Variants in JAM3 observed in about 807,000 individuals in gnomAD.
The protein encoded by JAM3 is junctional adhesion molecule C.
In JAM3, 31 loss-of-function variants were observed where a neutral mutation model predicts 39.4. The ratio of observed to expected loss-of-function variants is 0.79; its 90% CI spans 0.59 to 1.06. The LOEUF is 1.06. Among genes scored for constraint, JAM3 ranks in the 50% least tolerant of loss-of-function variants. The probability of loss-of-function intolerance (pLI) is 0.00; values close to 1 mark genes in which losing one functional copy is unlikely to be tolerated. For synonymous variants in JAM3, 182 were observed against 148.7 expected (o/e 1.22, Z -1.63); for missense variants, 455 against 391.4 (o/e 1.16, Z -1.37).
At chr11:134,095,351 G>A (rs1242710405) in intron 1 of JAM3, among the ~76,000 whole-genome samples, 1 of 151,928 alleles carries the variant, frequency 6.6e-6, no homozygotes, top group African/African-American at 2.4e-5. Flanking sequence ...GTTCTAATAG[G>A]CCCAGCGCAG....
At chr11:134,131,812 T>G (rs2120820636) in intron 1 of JAM3, among the ~76,000 whole-genome samples, 1 of 152,250 alleles carries the variant, frequency 6.6e-6, no homozygotes, top group Middle Eastern at 3.4e-3. Flanking sequence ...AAAAATTTAC[T>G]AGAGGGTTTC....
At chr11:134,122,575 T>C (rs1942556408) in intron 1 of JAM3, among the ~76,000 whole-genome samples, 2 of 152,194 alleles carry the variant, frequency 1.3e-5, no homozygotes, top group Admixed American at 1.3e-4. Flanking sequence ...TTTTCTACCC[T>C]GTTATGGCCT....
At chr11:134,092,491 C>T (rs2120644108) in intron 1 of JAM3, among the ~76,000 whole-genome samples, 1 of 141,006 alleles carries the variant, frequency 7.1e-6, no homozygotes, top group South Asian at 2.4e-4. Context: ...TTAAACGTCA[C>T]TTCCTGAGGG....
In JAM3 at chr11:134,148,659, T is replaced by C. The variant is rs143992931; in HGVS notation, c.825T>C (p.Asn275=). The change falls in exon 7 of 9, where the codon AAT becomes AAC. Residue 275 remains asparagine (N), a synonymous_variant. Coordinates refer to ENST00000299106, the MANE Select transcript of JAM3 (RefSeq NM_032801.5). The part of the protein sequence containing the change: ...CAYRRGYFIN[N]KQDGESYKNP... ...ACAGACGTGGCTACTTCATCAACAA[T>C]AAACAGGATGGAGAAAGGTGAGCCT... The C allele has an allele frequency of 1.6e-5, 26 of 1,613,942 alleles. No individual in the cohort carries two copies. In the African/African-American group the frequency reaches 3.5e-4, roughly 22 times the overall value.
At chr11:134,095,384 C>T (rs981449543) in intron 1 of JAM3, among the ~76,000 whole-genome samples, 1 of 152,096 alleles carries the variant, frequency 6.6e-6, no homozygotes, top group Admixed American at 6.5e-5. Context: ...ATAATCCCAG[C>T]ACTTTGGGAG....
At chr11:134,140,523 T>A in intron 2 of JAM3, 134 bp from the exon 3 acceptor site, 1 of 747,966 alleles carries the variant, frequency 1.3e-6, no homozygotes, top group Non-Finnish European at 2.4e-6. Context: ...TCAAAGTCTC[T>A]TGGAGTGTGG....
At position 134,141,643 on chromosome 11, in the gene JAM3, G is replaced by T. The variant is rs184637977; in HGVS notation, c.256+873G>T. 3.8e-3 allele frequency among the ~76,000 whole-genome samples: 583 copies of T among 152,170 alleles called. 5 individuals are homozygous for T. Among genetic ancestry groups the T allele is most frequent in the African/African-American group, 0.013 (552 of 41,512 alleles). ...GGAGGCGGCACAACTCAGAGCAGAG[G>T]CCCAAGTCAGAGGCCTTCTGCAGAG... On this transcript the variant is annotated intron_variant, in intron 3 of 8. Transcript: ENST00000299106.
chr11:134,127,626 G>A lies in JAM3; in HGVS notation c.77-12225G>A, dbSNP rs140744206. 8.1e-3 allele frequency among the ~76,000 whole-genome samples: 1,240 copies of A among 152,340 alleles called. 14 individuals are homozygous for A. The highest frequency in any genetic ancestry group is 0.029 in the African/African-American group (1,189 of 41,570). ...CAGGCAGGAGGATCACTTGAGCCCC[G>A]GAGGTGGAGGTTGCAATGAGCTGAG... On this transcript the variant is annotated intron_variant, in intron 1 of 8. Transcript: ENST00000299106.
intron 1 of JAM3, among the ~76,000 whole-genome samples, chr11:134,113,874 T>C (rs539757042): frequency 2.8e-4 from 43 of 152,242 alleles, no homozygotes; most frequent in East Asian, 7.7e-4. Flanking sequence ...GACTTTTTAA[T>C]GATCGCAATT....
At chr11:134,140,806 C>A in intron 3 of JAM3, 36 bp downstream of exon 3, 1 of 1,588,470 alleles carries the variant, frequency 6.3e-7, no homozygotes, top group South Asian at 1.1e-5. Context: ...GCTGACCTTT[C>A]CTCTGTCCAT....
intron 1 of JAM3, among the ~76,000 whole-genome samples, chr11:134,104,544 C>T (rs1942143225): frequency 1.3e-5 from 2 of 151,956 alleles, no homozygotes; most frequent in South Asian, 2.1e-4. Flanking sequence ...ACAAAAAACC[C>T]TTCAAAAAAA....
chr11:134,135,520 G>C (rs146140897), intron 1 of JAM3, among the ~76,000 whole-genome samples: 2 of 151,526 alleles, frequency 1.3e-5, no homozygotes, highest in East Asian at 2.0e-4. Context: ...TGAGAGCACA[G>C]ATTTTTATCT....
chr11:134,125,038 G>A (rs934791235), intron 1 of JAM3, among the ~76,000 whole-genome samples: 1 of 152,184 alleles, frequency 6.6e-6, no homozygotes, highest in Admixed American at 6.5e-5. Context: ...GCGGCGGCGC[G>A]TCTCCACGAG....
At chr11:134,090,327 A>T (rs963694129) in intron 1 of JAM3, among the ~76,000 whole-genome samples, 5 of 152,124 alleles carry the variant, frequency 3.3e-5, no homozygotes, top group African/African-American at 1.2e-4. Flanking sequence ...CCATTTGTCA[A>T]TTTTAGCTTT....
At chr11:134,070,086 T>C (rs1259489816) in intron 1 of JAM3, 1 of 451,624 alleles carries the variant, frequency 2.2e-6, no homozygotes, top group Non-Finnish European at 4.4e-6. Flanking sequence ...AGTGAGCTTG[T>C]ACTGTCTACT....
At chr11:134,080,580 C>T (rs1179285329) in intron 1 of JAM3, among the ~76,000 whole-genome samples, 2 of 152,130 alleles carry the variant, frequency 1.3e-5, no homozygotes, top group African/African-American at 2.4e-5. Flanking sequence ...TCTTGTCTGT[C>T]GCCATATGAG....
Position 134,151,764 on chromosome 11 carries a change from A to G in JAM3, c.*2583A>G, listed in dbSNP as rs1392666385. 2 of 152,148 alleles carry G rather than the reference A, an allele frequency of 1.3e-5. No individual in the cohort carries two copies. Among genetic ancestry groups the G allele is most frequent in the African/African-American group, 2.4e-5 (1 of 41,428 alleles). 9.4% of individuals were successfully genotyped at this position (152,148 alleles called of 1,614,324 possible). On this transcript the variant is annotated 3_prime_UTR_variant, in exon 9 of 9. Transcript: ENST00000299106. ...TTCAAAAAAACCCAAACATTGCTTC[A>G]TTCTTTGTTATTTGCTCTTACGTTG...
chr11:134,140,224 G>A lies in JAM3; in HGVS notation c.142+308G>A, dbSNP rs140808083. Among the ~76,000 whole-genome samples the A allele has an allele frequency of 6.5e-3, 993 of 152,212 alleles. 7 individuals are homozygous for A. Among genetic ancestry groups the A allele is most frequent in the African/African-American group, 0.023 (934 of 41,502 alleles). Reference sequence around the variant, plus strand: ...GCTGGAGTGTAGTGGCGCAATCTTGGCTCACTGCAGCCTCTGCCTCCTGAG... The same window carrying A: ...GCTGGAGTGTAGTGGCGCAATCTTGACTCACTGCAGCCTCTGCCTCCTGAG... On this transcript the variant is annotated intron_variant, in intron 2 of 8. Transcript: ENST00000299106.
intron 1 of JAM3, among the ~76,000 whole-genome samples, chr11:134,120,757 G>A (rs1393916929): frequency 1.3e-5 from 2 of 152,126 alleles, no homozygotes; most frequent in South Asian, 2.1e-4. Flanking sequence ...GGATGCTCAC[G>A]CCATTATGTG....
Sources: allele counts gnomAD v4.1 joint callset (sites outside exome capture counted in the v4.1 genomes callset), GRCh38; gene constraint gnomAD v4.1.1; transcripts MANE v1.5; gene names NCBI Gene and HGNC (gene_info 2026-07-23, HGNC 2026-07-21).